The following MMP2 variants were observed in gnomAD, a reference collection of about 807,000 sequenced individuals.
MMP2 encodes 72 kDa type IV collagenase.
MMP2 carries 39 observed loss-of-function variants against 74.8 expected under a neutral mutation model. The observed-to-expected ratio is 0.52, with a 90% CI of 0.40 to 0.68. The LOEUF is 0.68. Ranked by LOEUF, MMP2 falls within the 30% of genes least tolerant of loss-of-function variation. The pLI is 0.00. For missense variants in MMP2, 803 were observed against 878.3 expected (o/e 0.91, Z 1.08); for synonymous variants, 367 against 339.8 (o/e 1.08, Z -0.88).
At chr16:55,490,744 T>C (rs2142357341) in intron 7 of MMP2, among the ~76,000 whole-genome samples, 1 of 152,342 alleles carries the variant, frequency 6.6e-6, no homozygotes, top group South Asian at 2.1e-4. Flanking sequence ...AAGGAGGTTT[T>C]CTTATCCCCT....
rs543155138 is a variant in MMP2 at position 55,501,983 on chromosome 16, A to C, written c.1770-796A>C. On this transcript the variant is annotated intron_variant, in intron 11 of 12. Coordinates refer to ENST00000219070, the MANE Select transcript of MMP2 (RefSeq NM_004530.6). ...ATTTAAAAAGTTCTCCAAAAATCTTAAAAGACAGAAGGATTGCTAGCCAGG... is the reference window on the plus strand; with the variant it reads ...ATTTAAAAAGTTCTCCAAAAATCTTCAAAGACAGAAGGATTGCTAGCCAGG... Among the ~76,000 whole-genome samples, 6 of 152,336 alleles carry C rather than the reference A, an allele frequency of 3.9e-5. No homozygotes were observed. The South Asian group carries it at 1.0e-3, about 26-fold the overall frequency.
chr16:55,499,539 A>G (rs528069237), intron 11 of MMP2, among the ~76,000 whole-genome samples: 2 of 152,156 alleles, frequency 1.3e-5, no homozygotes, highest in Non-Finnish European at 2.9e-5. Flanking sequence ...GCTCCAGGTT[A>G]TCTACAGGAA....
chr16:55,501,935 A>C (rs1567382636), intron 11 of MMP2, among the ~76,000 whole-genome samples: 1 of 152,198 alleles, frequency 6.6e-6, no homozygotes, highest in Non-Finnish European at 1.5e-5. Context: ...GTGGAGAGGC[A>C]AAGGAATCAA....
chr16:55,482,152 T>C (rs964701741), intron 1 of MMP2, among the ~76,000 whole-genome samples: 1 of 152,218 alleles, frequency 6.6e-6, no homozygotes, highest in Non-Finnish European at 1.5e-5. Context: ...GCTTGGTACA[T>C]GGTAGGTATT....
At chr16:55,490,476 G>T (rs1334293227) in intron 7 of MMP2, among the ~76,000 whole-genome samples, 1 of 152,156 alleles carries the variant, frequency 6.6e-6, no homozygotes, top group Non-Finnish European at 1.5e-5. Context: ...TCAGGGGAGA[G>T]AGTGACCAGG....
At chr16:55,493,515 T>G (rs1249394376) in intron 9 of MMP2, among the ~76,000 whole-genome samples, 1 of 152,334 alleles carries the variant, frequency 6.6e-6, no homozygotes, top group South Asian at 2.1e-4. Flanking sequence ...ACTAGTTATC[T>G]TGACTTTCAG....
intron 12 of MMP2, 35 bp from the exon 13 acceptor site, chr16:55,505,304 T>C: frequency 1.9e-6 from 3 of 1,548,636 alleles, no homozygotes; most frequent in Non-Finnish European, 2.7e-6. Flanking sequence ...AATGTCAGGA[T>C]AAGGGGGTCA....
At chr16:55,493,986 A>C (rs1962476813) in intron 9 of MMP2, among the ~76,000 whole-genome samples, 1 of 152,222 alleles carries the variant, frequency 6.6e-6, no homozygotes, top group Non-Finnish European at 1.5e-5. Context: ...AATGGCAGGC[A>C]GTATCTAGGA....
chr16:55,493,025 A>T, intron 8 of MMP2, 133 bp from the exon 9 acceptor site: 1 of 1,055,530 alleles, frequency 9.5e-7, no homozygotes, highest in Non-Finnish European at 1.4e-6. Flanking sequence ...TTGTTACCTT[A>T]CGGAGCTTAC....
chr16:55,500,731 A>G (rs774032576), intron 11 of MMP2, among the ~76,000 whole-genome samples: 18 of 152,252 alleles, frequency 1.2e-4, no homozygotes, highest in Non-Finnish European at 2.2e-4. Flanking sequence ...GCTGGCTTCC[A>G]AAGGAGACAG....
At chr16:55,498,021 C>T (rs1451619444) in intron 10 of MMP2, among the ~76,000 whole-genome samples, 1 of 152,198 alleles carries the variant, frequency 6.6e-6, no homozygotes, top group African/African-American at 2.4e-5. Context: ...TTTATGACAG[C>T]AAGGCCCTTA....
At chr16:55,498,191 T>C in intron 10 of MMP2, 98 bp from the exon 11 acceptor site, 3 of 1,488,358 alleles carry the variant, frequency 2.0e-6, no homozygotes, top group Non-Finnish European at 2.8e-6. Flanking sequence ...CTGTTGGGAA[T>C]GGCTGCAGTG....
chr16:55,498,281 C>A lies in MMP2; in HGVS notation c.1610-8C>A, dbSNP rs376746116. ...CACCAGCCAACACACCCTTTGCTTC[C>A]ACCCCAGGGAATGAATACTGGATCT... On this transcript the variant is annotated splice_region_variant and splice_polypyrimidine_tract_variant and intron_variant, in intron 10 of 12. Transcript: ENST00000219070. 6.2e-7 allele frequency: 1 copy of A among 1,613,954 alleles called. No individual in the cohort carries two copies. The highest frequency in any genetic ancestry group is 8.5e-7 in the Non-Finnish European group (1 of 1,179,978).
rs768146459 is a variant in MMP2, at chr16:55,498,270, C to G, written c.1610-19C>G. 9 of 1,613,566 alleles carry G rather than the reference C, an allele frequency of 5.6e-6. No homozygotes were observed. Among genetic ancestry groups the G allele is most frequent in the African/African-American group, 1.3e-5 (1 of 74,914 alleles). On this transcript the variant is annotated intron_variant, in intron 10 of 12. Transcript: ENST00000219070. ...GGGCATGTCAGCACCAGCCAACACA[C>G]CCTTTGCTTCCACCCCAGGGAATGA...
At chr16:55,498,545 T>C (rs1193957045) in intron 11 of MMP2, 97 bp downstream of exon 11, 6 of 1,544,308 alleles carry the variant, frequency 3.9e-6, no homozygotes, top group Non-Finnish European at 4.5e-6. Context: ...AGTTCAGAGG[T>C]TGGTGGGCTC....
At chr16:55,496,814 C>G in intron 9 of MMP2, 112 bp from the exon 10 acceptor site, 1 of 1,438,780 alleles carries the variant, frequency 7.0e-7, no homozygotes, top group South Asian at 1.2e-5. Context: ...GCCTCCCACT[C>G]CCATCATGGA....
intron 7 of MMP2, 136 bp from the exon 8 acceptor site, chr16:55,491,665 C>A: frequency 1.0e-6 from 1 of 1,003,302 alleles, no homozygotes; most frequent in Non-Finnish European, 1.5e-6. Context: ...AAAAAAAAAT[C>A]AATACATGCC....
intron 7 of MMP2, among the ~76,000 whole-genome samples, chr16:55,490,229 T>C (rs199520018): frequency 2.0e-5 from 3 of 152,248 alleles, no homozygotes; most frequent in East Asian, 3.9e-4. Context: ...ACATTCCCAC[T>C]GCACAAAGAG....
At chr16:55,481,936 C>T (rs1358570376) in intron 1 of MMP2, 2 of 661,020 alleles carry the variant, frequency 3.0e-6, no homozygotes, top group Non-Finnish European at 2.8e-6. Context: ...TTGTTATGTC[C>T]TCCATTTCCC....
Sources: allele counts gnomAD v4.1 joint callset (sites outside exome capture counted in the v4.1 genomes callset), GRCh38; gene constraint gnomAD v4.1.1; transcripts MANE v1.5; gene names NCBI Gene and HGNC (gene_info 2026-07-23, HGNC 2026-07-21).